The following PCDHGA2 variants were observed in gnomAD, a reference collection of about 807,000 sequenced individuals.
The protein encoded by PCDHGA2 is protocadherin gamma subfamily A, 2.
A neutral mutation model predicts 59.2 loss-of-function variants in PCDHGA2; 40 were observed. The ratio of observed to expected loss-of-function variants is 0.68; its 90% CI spans 0.52 to 0.88. PCDHGA2 has a LOEUF of 0.88. Among genes scored for constraint, PCDHGA2 ranks in the 40% least tolerant of loss-of-function variants. The pLI, the probability that PCDHGA2 is intolerant of heterozygous loss-of-function variation, is 0.00. For synonymous variants in PCDHGA2, 560 were observed against 526.0 expected (o/e 1.06, Z -0.89); for missense variants, 1,226 against 1,204.0 (o/e 1.02, Z -0.27).
Position 141,374,612 on chromosome 5 carries a change from C to T in PCDHGA2, c.2424+33217C>T. The T allele has an allele frequency of 1.9e-6, 3 of 1,613,552 alleles. 1 individual carries two copies. The highest frequency in any genetic ancestry group is 1.1e-5 in the South Asian group (1 of 91,056). On this transcript the variant is annotated intron_variant, in intron 1 of 3. Transcript: ENST00000394576. ...GGGATTTAAGCTCAGTGGTAATAGT[C>T]ACTTCTCAGTGGACGTGCAAAGCGA...
At chr5:141,394,493 C>G in intron 1 of PCDHGA2, 1 of 1,614,222 alleles carries the variant, frequency 6.2e-7, no homozygotes, top group Non-Finnish European at 8.5e-7. Flanking sequence ...ACAACGCGCC[C>G]GAGATCCTGT....
rs372602945 is a variant in PCDHGA2, at chr5:141,351,585, A to G, written c.2424+10190A>G. 3.9e-5 allele frequency: 63 copies of G among 1,614,032 alleles called. No individual in the cohort carries two copies. The African/African-American group carries it at 7.7e-4, about 20-fold the overall frequency. ...ATCACCCTGCACATCTCCGACATCA[A>G]CGACAATGCACCTGTTTTCCATCAG... On this transcript the variant is annotated intron_variant, in intron 1 of 3. Coordinates refer to ENST00000394576, the MANE Select transcript of PCDHGA2 (RefSeq NM_018915.4).
At chr5:141,359,313 G>A (rs766981687) in intron 1 of PCDHGA2, among the ~76,000 whole-genome samples, 9 of 152,032 alleles carry the variant, frequency 5.9e-5, no homozygotes, top group Admixed American at 5.2e-4. Flanking sequence ...TCAGGTGTTG[G>A]CATTAGGAAT....
chr5:141,479,469 C>T lies in PCDHGA2; in HGVS notation c.2425-15338C>T, dbSNP rs1218436564. 8 of 152,344 alleles carry T rather than the reference C, an allele frequency of 5.3e-5. No homozygotes were observed. In the East Asian group the frequency reaches 1.5e-3, roughly 29 times the overall value. 9.4% of individuals were successfully genotyped at this position (152,344 alleles called of 1,614,324 possible). On this transcript the variant is annotated intron_variant, in intron 1 of 3. Transcript: ENST00000394576. ...AAGTTCAGCATGAATACAGTGACCT[C>T]TTGGGAGGGCAGGACCATCAGGTTG...
At chr5:141,484,707 G>C (rs1288663675) in intron 1 of PCDHGA2, among the ~76,000 whole-genome samples, 1 of 151,802 alleles carries the variant, frequency 6.6e-6, no homozygotes. Flanking sequence ...TGTTTTCCCC[G>C]CCGAAAAGGG....
At chr5:141,471,508 G>A (rs1262338812) in intron 1 of PCDHGA2, 3 of 152,216 alleles carry the variant, frequency 2.0e-5, no homozygotes, top group African/African-American at 7.2e-5. Context: ...AAGAGAGGGA[G>A]TAAAAATAAC....
chr5:141,399,797 G>T, intron 1 of PCDHGA2: 2 of 1,613,192 alleles, frequency 1.2e-6, no homozygotes, highest in Non-Finnish European at 8.5e-7. Context: ...AACGCACCGC[G>T]GGTGCTGTAC....
intron 1 of PCDHGA2, chr5:141,360,960 A>C (rs1312834351): frequency 7.4e-6 from 12 of 1,613,840 alleles, no homozygotes; most frequent in Non-Finnish European, 1.0e-5. Flanking sequence ...GCATAAACGC[A>C]GAGATCACCT....
chr5:141,343,414 G>C, intron 1 of PCDHGA2: 1 of 967,038 alleles, frequency 1.0e-6, no homozygotes, highest in Non-Finnish European at 1.2e-6. Flanking sequence ...AAATAACCCT[G>C]ATAAATGTAG....
At chr5:141,388,590 A>G in intron 1 of PCDHGA2, 9 of 1,613,920 alleles carry the variant, frequency 5.6e-6, no homozygotes, top group Non-Finnish European at 7.6e-6. Flanking sequence ...GACTGATGCC[A>G]ATGATAATGC....
chr5:141,395,886 C>A (rs538799478), intron 1 of PCDHGA2: 1 of 152,168 alleles, frequency 6.6e-6, no homozygotes, highest in East Asian at 1.9e-4. Context: ...TCAGTGGTCA[C>A]CTGGGCTCCA....
At chr5:141,348,531 A>T (rs923407083) in intron 1 of PCDHGA2, among the ~76,000 whole-genome samples, 1 of 152,256 alleles carries the variant, frequency 6.6e-6, no homozygotes, top group Non-Finnish European at 1.5e-5. Flanking sequence ...TGGATGCTCA[A>T]AGATAATTTC....
chr5:141,413,470 C>T (rs748662580), intron 1 of PCDHGA2: 17 of 1,614,110 alleles, frequency 1.1e-5, no homozygotes, highest in Non-Finnish European at 1.4e-5. Flanking sequence ...CCGGGAGGAG[C>T]TCTGCGCTCA....
rs2099411055 is a variant in PCDHGA2, at chr5:141,477,429, C to T, written c.2425-17378C>T. 6.2e-7 allele frequency: 1 copy of T among 1,614,218 alleles called. No individual in the cohort carries two copies. Among genetic ancestry groups the T allele is most frequent in the South Asian group, 1.1e-5 (1 of 91,082 alleles). ...CGAGACGCCGGAACCCCTTCCCTCT[C>T]AGCCCTTACAATAGTGCGTGTTCAA... On this transcript the variant is annotated intron_variant, in intron 1 of 3. Coordinates refer to ENST00000394576, the MANE Select transcript of PCDHGA2 (RefSeq NM_018915.4). The surrounding 1 kb of genome is among the most constrained non-coding windows in gnomAD (Gnocchi z 4.9).
intron 1 of PCDHGA2, chr5:141,374,290 A>G: frequency 6.2e-7 from 1 of 1,613,934 alleles, no homozygotes; most frequent in South Asian, 1.1e-5. Context: ...TCGTCTCCAG[A>G]GGTAGGATGC....
chr5:141,423,782 C>A (rs1458189260), intron 1 of PCDHGA2: 2 of 1,243,328 alleles, frequency 1.6e-6, no homozygotes, highest in Non-Finnish European at 1.0e-6. Context: ...ATATTTAGTT[C>A]ATATATATTT....
chr5:141,354,470 G>C (rs1446177530), intron 1 of PCDHGA2, among the ~76,000 whole-genome samples: 1 of 152,216 alleles, frequency 6.6e-6, no homozygotes, highest in South Asian at 2.1e-4. Flanking sequence ...CATTTGTACA[G>C]GGTAAGGCTA....
In PCDHGA2 at chr5:141,485,818, C is replaced by T; in HGVS notation, c.2425-8989C>T. 6 of 1,613,912 alleles carry T rather than the reference C, an allele frequency of 3.7e-6. No homozygotes were observed. The highest frequency in any genetic ancestry group is 5.1e-6 in the Non-Finnish European group (6 of 1,179,974). On this transcript the variant is annotated intron_variant, in intron 1 of 3. Transcript: ENST00000394576. This position sits in a 1 kb window ranked among gnomAD's most constrained non-coding sequence, Gnocchi z 5.7. ...ACTACCGCCTGGTGCTGACTGCTGTCGATGGAGGGAACCCGCCGAGATCTG... is the reference window on the plus strand; with the variant it reads ...ACTACCGCCTGGTGCTGACTGCTGTTGATGGAGGGAACCCGCCGAGATCTG...
intron 1 of PCDHGA2, chr5:141,404,606 G>T: frequency 6.2e-7 from 1 of 1,614,106 alleles, no homozygotes; most frequent in Non-Finnish European, 8.5e-7. Flanking sequence ...GAGACTGTTT[G>T]TTTTGGACCA....
Sources: allele counts gnomAD v4.1 joint callset (sites outside exome capture counted in the v4.1 genomes callset), GRCh38; gene constraint gnomAD v4.1.1; non-coding constraint Gnocchi (gnomAD v3.1); transcripts MANE v1.5; gene names NCBI Gene and HGNC (gene_info 2026-07-23, HGNC 2026-07-21).